Variants in APCDD1L observed in about 807,000 individuals in gnomAD.
APCDD1L encodes the protein APC down-regulated 1 like.
In APCDD1L, 21 loss-of-function variants were observed where a neutral mutation model predicts 24.2. That is an observed-to-expected ratio of 0.87 (90% CI 0.61 to 1.25). The LOEUF (loss-of-function observed/expected upper bound fraction) is 1.25. APCDD1L is among the 50% of genes most tolerant of loss of function. The pLI is 0.00. For missense variants in APCDD1L, 704 were observed against 711.7 expected, an observed-to-expected ratio of 0.99 and a Z score of 0.12; for synonymous variants, 321 against 323.6, an observed-to-expected ratio of 0.99 and a Z score of 0.09.
Position 58,470,650 on chromosome 20 carries a change from C to T in APCDD1L, c.147G>A (p.Ala49=), listed in dbSNP as rs772487718. The change falls in exon 2 of 4, where the codon GCG becomes GCA. Residue 49 remains alanine (A), a synonymous_variant. Coordinates refer to ENST00000371149, the MANE Select transcript of APCDD1L (RefSeq NM_153360.3). ...GTCCATTAAGGCGTGGAGGCAGGAT[C>T]GCAGTGCTGGGCACTCTATCTGGCA... ...QPLPDRVPST[A]ILPPRLNGPW... 9 of 1,578,558 alleles carry T rather than the reference C, an allele frequency of 5.7e-6. No homozygotes were observed. In the East Asian group the frequency reaches 6.8e-5, roughly 12 times the overall value.
intron 1 of APCDD1L, among the ~76,000 whole-genome samples, chr20:58,481,874 G>T (rs4812003): frequency 0.086 from 13,017 of 152,234 alleles, 1,133 homozygotes; most frequent in East Asian, 0.26. Context: ...CTCGCGCAGA[G>T]AACGTATTTA....
intron 1 of APCDD1L, among the ~76,000 whole-genome samples, chr20:58,493,196 C>T (rs541658466): frequency 2.6e-5 from 4 of 152,362 alleles, no homozygotes; most frequent in Admixed American, 1.3e-4. Context: ...TGCACACAGG[C>T]ACATAAACAT....
rs1426128083 is a variant in APCDD1L at position 58,463,897 on chromosome 20, G to A, written c.742-2343C>T. On this transcript the variant is annotated intron_variant, in intron 3 of 3. Transcript: ENST00000371149. ...ATGATTGAGAACAGTTTTTTTTTGG[G>A]GGGGGGGGGCGTCACATTTTATAAG... 3.1e-5 allele frequency among the ~76,000 whole-genome samples: 4 copies of A among 129,066 alleles called. 1 individual carries two copies. In the South Asian group the frequency reaches 1.2e-3, roughly 38 times the overall value. The allele number at this position is 129,066 out of a possible 152,430, so 84.7% of individuals were successfully genotyped here.
At position 58,461,361 on chromosome 20, in the gene APCDD1L, TC is replaced by T; in HGVS notation, c.934del (p.Glu312LysfsTer49). The T allele has an allele frequency of 6.3e-7, 1 of 1,576,572 alleles. No homozygotes were observed. The highest frequency in any genetic ancestry group is 8.6e-7 in the Non-Finnish European group (1 of 1,156,180). Reference sequence around the variant, plus strand: ...GTCTGAGAAGTGGTGGTAATACCCTTCCCAGGAGCGGCTGTGCCCGTGGAAA... The same window carrying T: ...GTCTGAGAAGTGGTGGTAATACCCTTCCAGGAGCGGCTGTGCCCGTGGAAA... Reference protein sequence around the residue: ...FTFHGHSRSWEGYYHHFSDPA... With the variant: ...FTFHGHSRSWXGYYHHFSDPA... On this transcript the variant is annotated frameshift_variant, in exon 4 of 4. Coordinates refer to ENST00000371149, the MANE Select transcript of APCDD1L (RefSeq NM_153360.3). LOFTEE classifies it low-confidence loss of function (END_TRUNC). The surrounding 1 kb of genome is among the most constrained non-coding windows in gnomAD (Gnocchi z 6.0).
Position 58,497,217 on chromosome 20 carries a change from G to A in APCDD1L, c.49+17442C>T, listed in dbSNP as rs57419023. Among the ~76,000 whole-genome samples the A allele has an allele frequency of 0.02, 2,985 of 151,978 alleles. 111 individuals carry two copies. Among genetic ancestry groups the A allele is most frequent in the African/African-American group, 0.068 (2,829 of 41,396 alleles). ...CCTCCTGGGGGTGAGGGGGCATGCAGCGGGTGGAGGCTGAGGGGCAGATGC... is the reference window on the plus strand; with the variant it reads ...CCTCCTGGGGGTGAGGGGGCATGCAACGGGTGGAGGCTGAGGGGCAGATGC... On this transcript the variant is annotated intron_variant, in intron 1 of 3. Transcript: ENST00000371149. This position sits in a 1 kb window ranked among gnomAD's most constrained non-coding sequence, Gnocchi z 4.3.
At chr20:58,483,519 A>G (rs1441359209) in intron 1 of APCDD1L, among the ~76,000 whole-genome samples, 2 of 152,210 alleles carry the variant, frequency 1.3e-5, no homozygotes. Context: ...GGTTGCTGTT[A>G]GGATGAGGCT....
intron 1 of APCDD1L, among the ~76,000 whole-genome samples, chr20:58,486,849 G>A (rs1007574915): frequency 5.4e-5 from 7 of 130,606 alleles, no homozygotes; most frequent in African/African-American, 1.7e-4. Flanking sequence ...TTTACTGGAG[G>A]GAAGGTTTTT....
rs770754987 is a variant in APCDD1L at position 58,467,297 on chromosome 20, C to G, written c.550G>C (p.Asp184His). 6.5e-7 allele frequency: 1 copy of G among 1,536,898 alleles called. No homozygotes were observed. Among genetic ancestry groups the G allele is most frequent in the Non-Finnish European group, 8.7e-7 (1 of 1,148,752 alleles). The change falls in exon 3 of 4, where the codon GAC becomes CAC. Residue 184 changes from aspartate (D) to histidine (H), a missense_variant. Transcript: ENST00000371149. The surrounding 1 kb of genome is among the most constrained non-coding windows in gnomAD (Gnocchi z 5.9). ...YELRSARAQGDCLEALGLTMH... is the reference protein window; with the variant it reads ...YELRSARAQGHCLEALGLTMH... ...GTGAGGCCCAGCGCCTCCAGGCAGT[C>G]CCCCTGAGCCCGGGCGCTCCGCAGC... is the stretch of plus-strand genomic sequence containing the variant.
rs572287387 is a variant in APCDD1L at position 58,485,792 on chromosome 20, A to C, written c.50-15045T>G. 1.4e-3 allele frequency among the ~76,000 whole-genome samples: 214 copies of C among 152,314 alleles called. 1 individual carries two copies. Among genetic ancestry groups the C allele is most frequent in the South Asian group, 2.3e-3 (11 of 4,822 alleles). ...ACTGTGCCTAACTAGATTTGGTATAAATTATACTTTTTCATAAAGTAGGGA... is the reference window on the plus strand; with the variant it reads ...ACTGTGCCTAACTAGATTTGGTATACATTATACTTTTTCATAAAGTAGGGA... On this transcript the variant is annotated intron_variant, in intron 1 of 3. Transcript: ENST00000371149.
chr20:58,501,780 C>G (rs1415593807), intron 1 of APCDD1L, among the ~76,000 whole-genome samples: 2 of 152,200 alleles, frequency 1.3e-5, no homozygotes, highest in African/African-American at 2.4e-5. Flanking sequence ...AACCAGAGAG[C>G]CTTTTTGAGC....
rs75275628 is a variant in APCDD1L at position 58,502,541 on chromosome 20, G to A, written c.49+12118C>T. ...GGTGTAGAACAGTGCCAGGCACGTA[G>A]TCAGCACCCACTGAATGCTTGTTGA... On this transcript the variant is annotated intron_variant, in intron 1 of 3. Transcript: ENST00000371149. Among the ~76,000 whole-genome samples, 1,068 of 152,094 alleles carry A rather than the reference G, an allele frequency of 7.0e-3. 7 individuals are homozygous for A. The highest frequency in any genetic ancestry group is 0.025 in the African/African-American group (1,018 of 41,464).
intron 1 of APCDD1L, among the ~76,000 whole-genome samples, chr20:58,502,726 CAAAAA>C (rs56192014): frequency 1.0e-5 from 1 of 99,766 alleles, no homozygotes; most frequent in East Asian, 3.1e-4. Context: ...TTAAGCAGAA[CAAAAA>C]AAAAAAAAAG....
intron 1 of APCDD1L, among the ~76,000 whole-genome samples, chr20:58,511,977 T>C (rs569699210): frequency 6.6e-6 from 1 of 151,840 alleles, no homozygotes; most frequent in Admixed American, 6.6e-5. Flanking sequence ...AATTGTTGAG[T>C]AATGAGATTT....
chr20:58,467,541 G>T lies in APCDD1L; in HGVS notation c.306C>A (p.His102Gln). The T allele has an allele frequency of 6.3e-7, 1 of 1,588,952 alleles. No homozygotes were observed. The highest frequency in any genetic ancestry group is 8.6e-7 in the Non-Finnish European group (1 of 1,167,772). ...GGACTTTGCCCTTGACGAGCAGCGAGTGGGCAGGTTCCCCGCAGAAGGGGT... is the reference window on the plus strand; with the variant it reads ...GGACTTTGCCCTTGACGAGCAGCGATTGGGCAGGTTCCCCGCAGAAGGGGT... ...YEDPFCGEPA[H>Q]SLLVKGKVRL... is the part of the protein sequence containing the mutation. The change falls in exon 3 of 4, where the codon CAC (histidine) becomes CAA (glutamine). Residue 102 changes from histidine (H) to glutamine (Q), a missense_variant. Physicochemically the swap from His to Gln is conservative, Grantham distance 24. Transcript: ENST00000371149. The surrounding 1 kb of genome is among the most constrained non-coding windows in gnomAD (Gnocchi z 5.9).
chr20:58,460,814 C>T lies in APCDD1L; in HGVS notation c.1482G>A (p.Gly494=). The change falls in exon 4 of 4, where the codon GGG becomes GGA. Residue 494 remains glycine (G), a synonymous_variant. Transcript: ENST00000371149. This position sits in a 1 kb window ranked among gnomAD's most constrained non-coding sequence, Gnocchi z 4.2. The part of the protein sequence containing the change: ...APFPLLPLVL[G]LAFLHWL ...GTCATAGCCAGTGGAGGAAGGCCAG[C>T]CCTAGAACTAGGGGCAGAAGTGGGA... The T allele has an allele frequency of 6.5e-7, 1 of 1,530,738 alleles. No individual in the cohort carries two copies. Among genetic ancestry groups the T allele is most frequent in the South Asian group, 1.3e-5 (1 of 77,802 alleles). The allele number at this position is 1,530,738 out of a possible 1,614,324, so 94.8% of individuals were successfully genotyped here.
intron 1 of APCDD1L, among the ~76,000 whole-genome samples, chr20:58,509,564 A>G (rs1990589745): frequency 6.6e-6 from 1 of 152,202 alleles, no homozygotes; most frequent in African/African-American, 2.4e-5. Context: ...GCTGTAAGTC[A>G]GGAGCTGAGC....
intron 1 of APCDD1L, among the ~76,000 whole-genome samples, chr20:58,487,838 CATAGT>C (rs1486888425): frequency 2.0e-5 from 3 of 152,172 alleles, no homozygotes; most frequent in African/African-American, 7.2e-5. Flanking sequence ...GTTATAATGG[CATAGT>C]TTTGCACAAG....
chr20:58,491,549 T>G (rs1053236955), intron 1 of APCDD1L, among the ~76,000 whole-genome samples: 3 of 152,176 alleles, frequency 2.0e-5, no homozygotes, highest in African/African-American at 7.2e-5. Flanking sequence ...ATGCAAGATG[T>G]GTTTGGAGAA....
At chr20:58,491,427 A>C (rs141857238) in intron 1 of APCDD1L, among the ~76,000 whole-genome samples, 2 of 152,226 alleles carry the variant, frequency 1.3e-5, no homozygotes, top group African/African-American at 4.8e-5. Flanking sequence ...AAAGAAATCA[A>C]TATGTAAGAA....
Sources: gnomAD v4.1 joint callset for allele counts (sites outside exome capture counted in the v4.1 genomes callset) on GRCh38, gnomAD v4.1.1 for gene constraint, Gnocchi (gnomAD v3.1) non-coding constraint, MANE v1.5 for transcripts, NCBI Gene and HGNC (gene_info 2026-07-23, HGNC 2026-07-21) for gene names.